The following DIAPH3 variants were observed in gnomAD, a reference collection of about 807,000 sequenced individuals.
The protein encoded by DIAPH3 is diaphanous related formin 3.
In DIAPH3, 117 loss-of-function variants were observed where a neutral mutation model predicts 144.3. The ratio of observed to expected loss-of-function variants is 0.81; its 90% CI spans 0.70 to 0.95. The LOEUF is 0.95. Among genes scored for constraint, DIAPH3 ranks in the 40% least tolerant of loss-of-function variants. DIAPH3 has a pLI of 0.00. For synonymous variants in DIAPH3, 519 were observed against 488.9 expected, an observed-to-expected ratio of 1.06 and a Z score of -0.81; for missense variants, 1,421 against 1,412.7, an observed-to-expected ratio of 1.01 and a Z score of -0.09.
At position 59,699,267 on chromosome 13, in the gene DIAPH3, T is replaced by C. The variant is rs182883724; in HGVS notation, c.3320-32421A>G. Among the ~76,000 whole-genome samples the C allele has an allele frequency of 9.7e-4, 147 of 152,284 alleles. 1 individual carries two copies. Among genetic ancestry groups the C allele is most frequent in the Non-Finnish European group, 1.8e-3 (120 of 68,028 alleles). On this transcript the variant is annotated intron_variant, in intron 27 of 27. Transcript: ENST00000400324. ...TCACAAAGGGATAATGGAGCAGAGATCTGTAGGAATAGATGGAGTGAGTAT... is the reference window on the plus strand; with the variant it reads ...TCACAAAGGGATAATGGAGCAGAGACCTGTAGGAATAGATGGAGTGAGTAT...
At chr13:59,885,898 T>C (rs1002346921) in intron 20 of DIAPH3, among the ~76,000 whole-genome samples, 1 of 152,138 alleles carries the variant, frequency 6.6e-6, no homozygotes, top group Non-Finnish European at 1.5e-5. Context: ...CCTTCATTTA[T>C]GACTTCTGGA....
chr13:59,861,388 T>A lies in DIAPH3; in HGVS notation c.2737+19A>T. The A allele has an allele frequency of 6.2e-7, 1 of 1,613,638 alleles. No individual in the cohort carries two copies. Among genetic ancestry groups the A allele is most frequent in the Non-Finnish European group, 8.5e-7 (1 of 1,179,884 alleles). ...ACTGAAGATCAGAGCCATGAAATGTTTCTTAAAAAGGCACAAACCTTTACT... is the reference window on the plus strand; with the variant it reads ...ACTGAAGATCAGAGCCATGAAATGTATCTTAAAAAGGCACAAACCTTTACT... On this transcript the variant is annotated intron_variant, in intron 22 of 27. Transcript: ENST00000400324.
chr13:60,018,125 C>A (rs2053778589), intron 5 of DIAPH3, among the ~76,000 whole-genome samples: 1 of 152,246 alleles, frequency 6.6e-6, no homozygotes, highest in Non-Finnish European at 1.5e-5. Context: ...TAATACTTCA[C>A]AGAGGGCCTT....
chr13:59,859,895 T>C (rs1437358124), intron 22 of DIAPH3, among the ~76,000 whole-genome samples: 1 of 152,106 alleles, frequency 6.6e-6, no homozygotes, highest in Non-Finnish European at 1.5e-5. Context: ...CATCTATAAC[T>C]ATATATATGG....
At chr13:60,067,469 C>T (rs1216606262) in intron 4 of DIAPH3, among the ~76,000 whole-genome samples, 1 of 151,948 alleles carries the variant, frequency 6.6e-6, no homozygotes, top group Non-Finnish European at 1.5e-5. Context: ...CCAGATACAG[C>T]CATGGATATA....
chr13:60,103,771 T>C (rs986745247), intron 3 of DIAPH3, among the ~76,000 whole-genome samples: 2 of 152,168 alleles, frequency 1.3e-5, no homozygotes, highest in Non-Finnish European at 1.5e-5. Flanking sequence ...TCTTAAGAGG[T>C]CCACAAAGAT....
At chr13:59,759,250 T>G (rs1476989486) in intron 27 of DIAPH3, among the ~76,000 whole-genome samples, 1 of 152,132 alleles carries the variant, frequency 6.6e-6, no homozygotes. Context: ...ATGAACCATA[T>G]GGGCCTACAA....
intron 17 of DIAPH3, 128 bp from the exon 18 acceptor site, chr13:59,924,998 C>A: frequency 1.4e-6 from 2 of 1,427,374 alleles, no homozygotes; most frequent in African/African-American, 1.4e-5. Context: ...GTTATAAAAA[C>A]AAATAAAACG....
intron 27 of DIAPH3, among the ~76,000 whole-genome samples, chr13:59,697,252 G>A (rs2033851683): frequency 1.3e-5 from 2 of 151,656 alleles, no homozygotes; most frequent in Admixed American, 1.3e-4. Flanking sequence ...GAGATCAGGA[G>A]ATCGAGACCA....
intron 12 of DIAPH3, among the ~76,000 whole-genome samples, chr13:59,988,321 C>T (rs1209533512): frequency 6.6e-6 from 1 of 151,868 alleles, no homozygotes; most frequent in Non-Finnish European, 1.5e-5. Context: ...AACACATTTA[C>T]ATCTATTACA....
chr13:59,891,395 T>C (rs1291732444), intron 20 of DIAPH3, among the ~76,000 whole-genome samples: 1 of 151,438 alleles, frequency 6.6e-6, no homozygotes, highest in African/African-American at 2.4e-5. Context: ...ACATAGATGG[T>C]CTAACTAGAA....
rs182386960 is a variant in DIAPH3 at position 60,120,370 on chromosome 13, T to A, written c.214-8184A>T. ...AACCACCCAGGAACAATTCCTACCA[T>A]CCGATCAACTGCATTCTGACTTCGA... On this transcript the variant is annotated intron_variant, in intron 2 of 27. Coordinates refer to ENST00000400324, the MANE Select transcript of DIAPH3 (RefSeq NM_001042517.2). 3.3e-3 allele frequency among the ~76,000 whole-genome samples: 503 copies of A among 152,290 alleles called. 2 individuals carry two copies. Among genetic ancestry groups the A allele is most frequent in the African/African-American group, 0.011 (462 of 41,568 alleles).
chr13:59,694,758 A>G (rs1480776157), intron 27 of DIAPH3, among the ~76,000 whole-genome samples: 2 of 152,192 alleles, frequency 1.3e-5, no homozygotes, highest in Non-Finnish European at 2.9e-5. Context: ...AGAATGAAAC[A>G]AAGTTGTTCA....
At chr13:59,689,222 C>T (rs1432795176) in intron 27 of DIAPH3, among the ~76,000 whole-genome samples, 1 of 152,020 alleles carries the variant, frequency 6.6e-6, no homozygotes, top group Non-Finnish European at 1.5e-5. Flanking sequence ...GCCTGGACTA[C>T]CTGGGGAGAG....
chr13:59,818,231 C>T (rs966830612), intron 24 of DIAPH3, among the ~76,000 whole-genome samples: 1 of 151,668 alleles, frequency 6.6e-6, no homozygotes, highest in Non-Finnish European at 1.5e-5. Context: ...AAAAGTTTTC[C>T]AGTCTCTGAA....
At chr13:60,153,594 C>T (rs1377660355) in intron 1 of DIAPH3, 4 of 152,116 alleles carry the variant, frequency 2.6e-5, no homozygotes, top group Non-Finnish European at 5.9e-5. Flanking sequence ...AAAATATACA[C>T]ATATTTTTCC....
At chr13:59,786,108 C>T (rs1414048485) in intron 25 of DIAPH3, among the ~76,000 whole-genome samples, 1 of 151,744 alleles carries the variant, frequency 6.6e-6, no homozygotes, top group Non-Finnish European at 1.5e-5. Context: ...ATAGCAAGAC[C>T]CTGTCTCAAA....
intron 5 of DIAPH3, among the ~76,000 whole-genome samples, chr13:60,036,510 G>A (rs1308922732): frequency 1.3e-5 from 2 of 151,774 alleles, no homozygotes; most frequent in African/African-American, 4.8e-5. Flanking sequence ...AAAGAAAACA[G>A]AGCTGCCTGC....
intron 17 of DIAPH3, among the ~76,000 whole-genome samples, chr13:59,938,015 A>G (rs2048345654): frequency 6.6e-6 from 1 of 151,998 alleles, no homozygotes; most frequent in Non-Finnish European, 1.5e-5. Context: ...CTTGTTTTTG[A>G]TAGCTCAGTT....
Sources: allele counts gnomAD v4.1 joint callset (sites outside exome capture counted in the v4.1 genomes callset), GRCh38; gene constraint gnomAD v4.1.1; transcripts MANE v1.5; gene names NCBI Gene and HGNC (gene_info 2026-07-23, HGNC 2026-07-21).